CAPRIN2: variants seen among roughly 807,000 people sequenced by gnomAD.
CAPRIN2 encodes the protein caprin family member 2.
Under a neutral mutation model 130.4 loss-of-function variants are expected in CAPRIN2, and 66 were observed. The ratio of observed to expected loss-of-function variants is 0.51; its 90% CI spans 0.42 to 0.62. CAPRIN2 has a LOEUF of 0.62. Among genes scored for constraint, CAPRIN2 ranks in the 20% least tolerant of loss-of-function variants. The probability of loss-of-function intolerance (pLI) is 0.00; values close to 1 mark genes in which losing one functional copy is unlikely to be tolerated. For missense variants in CAPRIN2, 1,185 were observed against 1,246.6 expected (o/e 0.95, Z 0.74); for synonymous variants, 471 against 444.1 (o/e 1.06, Z -0.76).
exon 1 of CAPRIN2, chr12:30,754,298 C>T (rs1195855609): frequency 1.3e-5 from 2 of 153,474 alleles, no homozygotes; most frequent in Non-Finnish European, 2.9e-5. Context: ...CTAGCGAGCC[C>T]TTCCCGTGCC....
chr12:30,739,100 A>G (rs2066153791), intron 3 of CAPRIN2, among the ~76,000 whole-genome samples: 2 of 152,216 alleles, frequency 1.3e-5, no homozygotes, highest in South Asian at 4.1e-4. Context: ...AGACACAGGC[A>G]TGCATATGTT....
At chr12:30,716,269 C>T (rs900670619) in intron 13 of CAPRIN2, 1 of 405,298 alleles carries the variant, frequency 2.5e-6, no homozygotes, top group East Asian at 5.5e-5. Context: ...AAAATACAAA[C>T]CTACTTCAAG....
At chr12:30,731,817 C>T (rs2062788365) in intron 5 of CAPRIN2, among the ~76,000 whole-genome samples, 1 of 151,996 alleles carries the variant, frequency 6.6e-6, no homozygotes, top group Admixed American at 6.6e-5. Context: ...TCCATTTCCA[C>T]CATTTGAAAA....
chr12:30,740,591 A>C lies in CAPRIN2; in HGVS notation c.570+429T>G, dbSNP rs890899466. On this transcript the variant is annotated intron_variant, in intron 3 of 16. Transcript: ENST00000298892. ...TGAGTCATTAATTTTCCCATCAATA[A>C]TTTTCATGCTTTCAAGAAGACTACC... Among the ~76,000 whole-genome samples the C allele has an allele frequency of 9.2e-5, 14 of 152,126 alleles. 1 individual carries two copies. The highest frequency in any genetic ancestry group is 9.2e-4 in the Admixed American group (14 of 15,270).
intron 5 of CAPRIN2, among the ~76,000 whole-genome samples, chr12:30,731,940 A>G (rs1046609237): frequency 6.6e-6 from 1 of 152,050 alleles, no homozygotes; most frequent in Non-Finnish European, 1.5e-5. Context: ...ACAGCTAGCA[A>G]CCACTCTACC....
rs752607657 is a variant in CAPRIN2, at chr12:30,711,580, C to T, written c.2651G>A (p.Arg884Gln). ...ATTACCCTTACCTCTCGAATTTGCT[C>T]GTGGACCACCAGATGTCCCTCCTCG... is the stretch of plus-strand genomic sequence containing the variant. Residue 884 changes from arginine (R) to glutamine (Q), a missense_variant, in exon 16 of 17, where the codon CGA becomes CAA. This residue lies in a region of CAPRIN2 where 1,104 missense variants were observed against 1,104.3 expected (regional missense o/e 1.00). Coordinates refer to ENST00000298892, the Ensembl canonical transcript of CAPRIN2. 5.4e-5 allele frequency: 87 copies of T among 1,613,464 alleles called. No individual in the cohort carries two copies. The highest frequency in any genetic ancestry group is 4.9e-4 in the East Asian group (22 of 44,872).
At chr12:30,718,346 AG>A (rs1440110598) in intron 12 of CAPRIN2, among the ~76,000 whole-genome samples, 6 of 152,194 alleles carry the variant, frequency 3.9e-5, no homozygotes, top group Admixed American at 3.9e-4. Flanking sequence ...TGGACTCACC[AG>A]CCGATCTCCC....
In CAPRIN2 at chr12:30,712,699, C is replaced by G. The variant is rs1042055601; in HGVS notation, c.2602-1070G>C. ...GAGAAGTGATAAATGAGGGGTCAAA[C>G]CCAAGGCATTTAGATTCCAAGATGT... is the stretch of plus-strand genomic sequence containing the variant. On this transcript the variant is annotated intron_variant, in intron 15 of 16. Coordinates refer to ENST00000298892, the Ensembl canonical transcript of CAPRIN2. 4.6e-5 allele frequency among the ~76,000 whole-genome samples: 7 copies of G among 151,056 alleles called. No homozygotes were observed. The South Asian group carries it at 8.4e-4, about 18-fold the overall frequency.
chr12:30,716,900 T>C (rs2057759045), intron 12 of CAPRIN2, among the ~76,000 whole-genome samples: 1 of 152,208 alleles, frequency 6.6e-6, no homozygotes, highest in African/African-American at 2.4e-5. Context: ...CATAAAATTT[T>C]ATACCCATTA....
In CAPRIN2 at chr12:30,753,625, G is replaced by GA; in HGVS notation, c.138dup (p.Pro47SerfsTer73). On this transcript the variant is annotated frameshift_variant, in exon 1 of 17. Coordinates refer to ENST00000298892, the Ensembl canonical transcript of CAPRIN2. LOFTEE classifies it high-confidence loss of function. ...ACAGATGAGGCTGAAGGAGGTGGGG[G>GA]AAAGTTAAGTATAAAATTAGGACTA... 2 of 1,614,158 alleles carry GA rather than the reference G, an allele frequency of 1.2e-6. No homozygotes were observed. Among genetic ancestry groups the GA allele is most frequent in the Non-Finnish European group, 8.5e-7 (1 of 1,180,028 alleles).
intron 2 of CAPRIN2, among the ~76,000 whole-genome samples, chr12:30,746,216 T>C (rs568077745): frequency 3.0e-4 from 45 of 152,310 alleles, no homozygotes; most frequent in African/African-American, 1.1e-3. Flanking sequence ...GATATTACAA[T>C]GGTGGATACA....
chr12:30,743,709 T>C (rs1056342718), intron 2 of CAPRIN2, among the ~76,000 whole-genome samples: 2 of 152,210 alleles, frequency 1.3e-5, no homozygotes, highest in African/African-American at 4.8e-5. Context: ...TGCATATGTA[T>C]AAAGCACTCA....
chr12:30,724,733 G>C (rs1421951845), intron 9 of CAPRIN2, among the ~76,000 whole-genome samples: 1 of 152,184 alleles, frequency 6.6e-6, no homozygotes, highest in East Asian at 1.9e-4. Flanking sequence ...GCTCACACCT[G>C]TAACCCCAGC....
intron 11 of CAPRIN2, among the ~76,000 whole-genome samples, chr12:30,722,502 A>G (rs1288110903): frequency 6.6e-6 from 1 of 152,040 alleles, no homozygotes; most frequent in African/African-American, 2.4e-5. Flanking sequence ...CCTTATGTAG[A>G]ACCCTAAACA....
intron 2 of CAPRIN2, among the ~76,000 whole-genome samples, chr12:30,745,126 T>C (rs1173750345): frequency 1.3e-5 from 2 of 152,196 alleles, no homozygotes; most frequent in African/African-American, 2.4e-5. Flanking sequence ...TTACTACAGA[T>C]GTATTAAATG....
intron 3 of CAPRIN2, among the ~76,000 whole-genome samples, chr12:30,738,958 G>A (rs1211538810): frequency 2.0e-5 from 3 of 152,204 alleles, no homozygotes; most frequent in South Asian, 4.1e-4. Flanking sequence ...GTTGATGAGA[G>A]TGTAAATTAG....
rs770589964 is a variant in CAPRIN2, at chr12:30,734,965, T to C, written c.809+3A>G. 1 of 1,598,552 alleles carries C rather than the reference T, an allele frequency of 6.3e-7. No homozygotes were observed. The highest frequency in any genetic ancestry group is 8.6e-7 in the Non-Finnish European group (1 of 1,166,144). On this transcript the variant is annotated splice_donor_region_variant and intron_variant, in intron 4 of 16. Coordinates refer to ENST00000298892, the Ensembl canonical transcript of CAPRIN2. Reference sequence around the variant, plus strand: ...TTTCAGGAAAATCTTTTCATTAGCTTACCTCAGACTTTCATTTCTTTCAGG... The same window carrying C: ...TTTCAGGAAAATCTTTTCATTAGCTCACCTCAGACTTTCATTTCTTTCAGG...
intron 3 of CAPRIN2, 33 bp downstream of exon 4, chr12:30,740,987 T>C (rs765125964): frequency 1.2e-5 from 16 of 1,353,100 alleles, no homozygotes; most frequent in South Asian, 8.5e-5. Flanking sequence ...TGGTTAAAAC[T>C]GGTTTCAGGA....
At chr12:30,729,134 T>C (rs1362283693) in exon 8 of CAPRIN2, 1 of 1,614,102 alleles carries the variant, frequency 6.2e-7, no homozygotes, top group Non-Finnish European at 8.5e-7. Flanking sequence ...CAGGCTTGGA[T>C]ACCTCCTGGT....
Sources: allele counts gnomAD v4.1 joint callset (sites outside exome capture counted in the v4.1 genomes callset), GRCh38; gene constraint gnomAD v4.1.1; regional missense constraint gnomAD v4.1.1; transcripts MANE v1.5; gene names NCBI Gene and HGNC (gene_info 2026-07-23, HGNC 2026-07-21).